The following MARCHF1 variants were observed in gnomAD, a reference collection of about 807,000 sequenced individuals.
MARCHF1 encodes membrane associated ring-CH-type finger 1.
A neutral mutation model predicts 54.2 loss-of-function variants in MARCHF1; 40 were observed. The ratio of observed to expected loss-of-function variants is 0.74; its 90% CI spans 0.57 to 0.96. The LOEUF (loss-of-function observed/expected upper bound fraction) is 0.96, where lower values mean the gene tolerates loss of function less well. Among genes scored for constraint, MARCHF1 ranks in the 40% least tolerant of loss-of-function variants. The pLI, the probability that MARCHF1 is intolerant of heterozygous loss-of-function variation, is 0.00. For missense variants in MARCHF1, 586 were observed against 656.5 expected (o/e 0.89, Z 1.17); for synonymous variants, 236 against 236.3 (o/e 1.00, Z 0.01).
intron 4 of MARCHF1, among the ~76,000 whole-genome samples, chr4:163,723,673 G>T (rs1294615681): frequency 6.6e-6 from 1 of 152,190 alleles, no homozygotes; most frequent in Non-Finnish European, 1.5e-5. Context: ...AACAGATGTA[G>T]ATTTGGTCTT....
intron 2 of MARCHF1, among the ~76,000 whole-genome samples, chr4:164,060,272 T>C (rs1473306813): frequency 6.6e-6 from 1 of 152,040 alleles, no homozygotes; most frequent in African/African-American, 2.4e-5. Context: ...TTAAACTGAG[T>C]ACAGGCTACA....
chr4:163,848,343 CTT>C (rs1279486181), intron 4 of MARCHF1, among the ~76,000 whole-genome samples: 2 of 152,036 alleles, frequency 1.3e-5, no homozygotes, highest in African/African-American at 4.8e-5. Context: ...TAGAGTGACA[CTT>C]TGTTCTTTTT....
intron 1 of MARCHF1, among the ~76,000 whole-genome samples, chr4:164,172,431 G>A (rs191670599): frequency 6.6e-6 from 1 of 151,868 alleles, no homozygotes; most frequent in Non-Finnish European, 1.5e-5. Flanking sequence ...GCCCCTAGAC[G>A]ATGTTATAAA....
At chr4:164,056,600 C>T (rs1279368472) in intron 2 of MARCHF1, among the ~76,000 whole-genome samples, 2 of 152,120 alleles carry the variant, frequency 1.3e-5, no homozygotes, top group South Asian at 2.1e-4. Flanking sequence ...CCATTTCCGA[C>T]TTGTTCATTT....
intron 3 of MARCHF1, among the ~76,000 whole-genome samples, chr4:163,911,565 G>A (rs866519660): frequency 6.6e-6 from 1 of 151,990 alleles, no homozygotes; most frequent in South Asian, 2.1e-4. Flanking sequence ...AATATATTCT[G>A]GTACAGATTA....
At chr4:164,184,512 G>A (rs560595566) in intron 1 of MARCHF1, among the ~76,000 whole-genome samples, 5 of 152,294 alleles carry the variant, frequency 3.3e-5, no homozygotes, top group African/African-American at 7.2e-5. Flanking sequence ...ACTGATGGAC[G>A]TGGATTGTGT....
intron 1 of MARCHF1, among the ~76,000 whole-genome samples, chr4:164,201,950 T>G (rs1731465249): frequency 6.6e-6 from 1 of 152,236 alleles, no homozygotes; most frequent in Non-Finnish European, 1.5e-5. Context: ...AAATAGATAC[T>G]TTATGTTTCT....
At chr4:163,922,842 A>AAAT (rs919067999) in intron 3 of MARCHF1, among the ~76,000 whole-genome samples, 2 of 152,318 alleles carry the variant, frequency 1.3e-5, no homozygotes, top group East Asian at 3.9e-4. Flanking sequence ...GATACATAAA[A>AAAT]AATCAAATGC....
intron 2 of MARCHF1, among the ~76,000 whole-genome samples, chr4:164,046,954 T>C (rs557111097): frequency 3.9e-5 from 6 of 152,296 alleles, no homozygotes; most frequent in South Asian, 4.1e-4. Flanking sequence ...AAAAAAAGAA[T>C]GCTAGTGTTT....
At chr4:163,766,885 G>C (rs935412992) in intron 4 of MARCHF1, among the ~76,000 whole-genome samples, 1 of 151,900 alleles carries the variant, frequency 6.6e-6, no homozygotes, top group Non-Finnish European at 1.5e-5. Flanking sequence ...CAAAAATTTT[G>C]CAACATTTAC....
chr4:163,890,969 G>T lies in MARCHF1; in HGVS notation c.-38-36800C>A, dbSNP rs575235644. On this transcript the variant is annotated intron_variant, in intron 3 of 9. Transcript: ENST00000514618. ...ATATTCAGAAAATTGTGCCAGGATA[G>T]TCGGAAATATACTGCTGTTATTCAT... Among the ~76,000 whole-genome samples, 20 of 152,004 alleles carry T rather than the reference G, an allele frequency of 1.3e-4. No individual in the cohort carries two copies. The South Asian group carries it at 4.2e-3, about 32-fold the overall frequency.
At chr4:163,732,475 C>T (rs1263540279) in intron 4 of MARCHF1, among the ~76,000 whole-genome samples, 1 of 151,964 alleles carries the variant, frequency 6.6e-6, no homozygotes, top group Non-Finnish European at 1.5e-5. Context: ...AATTATTTTT[C>T]AAATTTGATG....
At chr4:164,197,265 C>G (rs771018966) in intron 1 of MARCHF1, 98 of 1,611,064 alleles carry the variant, frequency 6.1e-5, no homozygotes, top group Non-Finnish European at 7.6e-5. Flanking sequence ...AAGGGGCCTC[C>G]TTGTGGTCCC....
intron 3 of MARCHF1, among the ~76,000 whole-genome samples, chr4:163,943,458 T>G (rs1751956549): frequency 1.3e-5 from 2 of 152,152 alleles, no homozygotes; most frequent in African/African-American, 4.8e-5. Context: ...TTTTCCCCAT[T>G]GTTTTTGTTA....
intron 4 of MARCHF1, among the ~76,000 whole-genome samples, chr4:163,794,654 C>A (rs866417602): frequency 2.7e-4 from 41 of 152,200 alleles, no homozygotes; most frequent in Middle Eastern, 6.8e-3. Flanking sequence ...CTGCATTAAC[C>A]ATGTATTACA....
At chr4:164,021,069 A>T (rs1229741566) in intron 2 of MARCHF1, among the ~76,000 whole-genome samples, 1 of 133,478 alleles carries the variant, frequency 7.5e-6, no homozygotes, top group East Asian at 2.1e-4. Context: ...CCTCCAATCC[A>T]TTTCTGTCCC....
intron 4 of MARCHF1, among the ~76,000 whole-genome samples, chr4:163,793,808 C>G (rs865862734): frequency 2.1e-4 from 32 of 152,228 alleles, no homozygotes; most frequent in Middle Eastern, 6.8e-3. Context: ...TCACGTACCC[C>G]CTGCTTGCTC....
intron 3 of MARCHF1, among the ~76,000 whole-genome samples, chr4:163,971,651 A>C (rs1346305083): frequency 2.0e-5 from 3 of 152,220 alleles, no homozygotes; most frequent in Admixed American, 6.5e-5. Flanking sequence ...ACAGAAACTA[A>C]AACTCAATAA....
intron 4 of MARCHF1, among the ~76,000 whole-genome samples, chr4:163,841,856 G>A (rs964811017): frequency 6.6e-5 from 10 of 152,074 alleles, no homozygotes; most frequent in Non-Finnish European, 1.0e-4. Context: ...CCTGTAGGCT[G>A]CATCAAACAC....
Sources: gnomAD v4.1 joint callset for allele counts (sites outside exome capture counted in the v4.1 genomes callset) on GRCh38, gnomAD v4.1.1 for gene constraint, MANE v1.5 for transcripts, NCBI Gene and HGNC (gene_info 2026-07-23, HGNC 2026-07-21) for gene names.